CDKN2B-AS1: variants seen among roughly 807,000 people sequenced by gnomAD.
CDKN2B-AS1 encodes the protein CDKN2B antisense RNA 1 (non-protein coding).
intron 1 of CDKN2B-AS1, among the ~76,000 whole-genome samples, chr9:22,027,077 G>A (rs1413982663): frequency 7.9e-5 from 12 of 151,710 alleles, no homozygotes. Flanking sequence ...AGTTGAAGGT[G>A]CTATATTTAG....
intron 4 of CDKN2B-AS1, among the ~76,000 whole-genome samples, chr9:22,075,181 T>TC (rs1250455412): frequency 3.3e-5 from 5 of 152,206 alleles, no homozygotes; most frequent in Non-Finnish European, 5.9e-5. Context: ...TAGTTGAGGT[T>TC]TAGAAAGCAC....
At chr9:22,041,560 CAT>C (rs546961039) in intron 1 of CDKN2B-AS1, among the ~76,000 whole-genome samples, 19 of 152,202 alleles carry the variant, frequency 1.2e-4, no homozygotes, top group East Asian at 5.8e-4. Context: ...ACTGCATAAA[CAT>C]GTGATAATGT....
At chr9:22,071,309 T>C (rs1824282890) in intron 4 of CDKN2B-AS1, among the ~76,000 whole-genome samples, 1 of 74,634 alleles carries the variant, frequency 1.3e-5, no homozygotes, top group South Asian at 5.0e-4. Context: ...TTTTTTTTTT[T>C]TTTTTTTAGA....
At chr9:22,109,056 C>T (rs985975879) in intron 4 of CDKN2B-AS1, among the ~76,000 whole-genome samples, 1 of 152,234 alleles carries the variant, frequency 6.6e-6, no homozygotes, top group East Asian at 1.9e-4. Flanking sequence ...AAGAAAAATT[C>T]TCTTAGGGAC....
At chr9:22,016,714 A>G (rs1299963756) in intron 1 of CDKN2B-AS1, among the ~76,000 whole-genome samples, 2 of 152,344 alleles carry the variant, frequency 1.3e-5, no homozygotes, top group African/African-American at 2.4e-5. Flanking sequence ...TCCCTATTGA[A>G]TAAATGGTGC....
chr9:22,051,688 C>A (rs140144829), intron 3 of CDKN2B-AS1, among the ~76,000 whole-genome samples: 1 of 152,202 alleles, frequency 6.6e-6, no homozygotes, highest in Non-Finnish European at 1.5e-5. Context: ...GTAAACACTA[C>A]TTAAGAAGGC....
intron 4 of CDKN2B-AS1, among the ~76,000 whole-genome samples, chr9:22,088,183 A>G (rs1169910633): frequency 6.6e-6 from 1 of 152,220 alleles, no homozygotes; most frequent in African/African-American, 2.4e-5. Flanking sequence ...GTGAAGCTCC[A>G]GGAAACCCTG....
chr9:22,024,614 G>A (rs1822154855), intron 1 of CDKN2B-AS1, among the ~76,000 whole-genome samples: 1 of 152,178 alleles, frequency 6.6e-6, no homozygotes, highest in Non-Finnish European at 1.5e-5. Flanking sequence ...GCAGCTGCAG[G>A]GCTTGCTGGC....
chr9:22,051,055 C>T lies in CDKN2B-AS1; in HGVS notation n.302+1827C>T, dbSNP rs1460990469. On this transcript the variant is annotated intron_variant and non_coding_transcript_variant, in intron 3 of 4. Transcript: ENST00000650946. ...ATGTTCATATTGTCTACTTGGTTTT[C>T]ATGAACCTCACATGGACTGGCTTCA... 2.6e-5 allele frequency among the ~76,000 whole-genome samples: 4 copies of T among 152,176 alleles called. No homozygotes were observed. The East Asian group carries it at 7.7e-4, about 29-fold the overall frequency.
chr9:22,055,321 T>G lies in CDKN2B-AS1; in HGVS notation n.303-931T>G, dbSNP rs372509783. Among the ~76,000 whole-genome samples the G allele has an allele frequency of 5.3e-5, 8 of 152,246 alleles. No homozygotes were observed. In the East Asian group the frequency reaches 9.6e-4, roughly 18 times the overall value. ...TTAGCAATTTTTAATATTCTGCTGT[T>G]TGACTTTTAAACCAAGGCTTGGATT... On this transcript the variant is annotated intron_variant and non_coding_transcript_variant, in intron 3 of 4. Transcript: ENST00000650946.
intron 1 of CDKN2B-AS1, among the ~76,000 whole-genome samples, chr9:22,042,349 A>C (rs1398554006): frequency 2.0e-5 from 3 of 152,124 alleles, no homozygotes; most frequent in African/African-American, 7.2e-5. Flanking sequence ...AGGGTCTATG[A>C]ACAATTATAA....
At chr9:22,101,020 G>T (rs1825463145) in intron 4 of CDKN2B-AS1, among the ~76,000 whole-genome samples, 1 of 152,166 alleles carries the variant, frequency 6.6e-6, no homozygotes, top group Non-Finnish European at 1.5e-5. Flanking sequence ...TTCTTGACTT[G>T]TTAGGATTCT....
At chr9:22,018,030 A>G (rs1156491810) in intron 1 of CDKN2B-AS1, among the ~76,000 whole-genome samples, 2 of 152,212 alleles carry the variant, frequency 1.3e-5, no homozygotes, top group South Asian at 2.1e-4. Flanking sequence ...AGGTATTGAG[A>G]TAGATGAAAA....
chr9:22,051,889 T>A (rs1462091354), intron 3 of CDKN2B-AS1, among the ~76,000 whole-genome samples: 1 of 152,192 alleles, frequency 6.6e-6, no homozygotes, highest in Non-Finnish European at 1.5e-5. Context: ...TTAAAGGAGT[T>A]TGCATCAGCT....
chr9:22,101,246 C>T (rs1300855283), intron 4 of CDKN2B-AS1, among the ~76,000 whole-genome samples: 1 of 152,128 alleles, frequency 6.6e-6, no homozygotes. Context: ...GCAGACTCAA[C>T]CAAGAGTTAT....
At chr9:22,090,940 T>G (rs954638120) in intron 4 of CDKN2B-AS1, among the ~76,000 whole-genome samples, 1 of 152,170 alleles carries the variant, frequency 6.6e-6, no homozygotes, top group Non-Finnish European at 1.5e-5. Flanking sequence ...GGTTTTCTTC[T>G]AGGGTTTTTA....
At chr9:22,043,764 A>G (rs1387401182) in intron 1 of CDKN2B-AS1, among the ~76,000 whole-genome samples, 1 of 152,052 alleles carries the variant, frequency 6.6e-6, no homozygotes, top group African/African-American at 2.4e-5. Flanking sequence ...TAGCTGTTAC[A>G]TCACTAGGTT....
chr9:22,045,274 A>G (rs1272814463), intron 1 of CDKN2B-AS1, among the ~76,000 whole-genome samples: 1 of 152,032 alleles, frequency 6.6e-6, no homozygotes, highest in Admixed American at 6.6e-5. Flanking sequence ...TTTAAGACTA[A>G]TCAAAATATC....
intron 4 of CDKN2B-AS1, among the ~76,000 whole-genome samples, chr9:22,082,173 T>G (rs1369768313): frequency 6.6e-6 from 1 of 152,228 alleles, no homozygotes; most frequent in Admixed American, 6.5e-5. Flanking sequence ...GCAGAGTTGA[T>G]TTTTATAATT....
Sources: gnomAD v4.1 joint callset for allele counts (sites outside exome capture counted in the v4.1 genomes callset) on GRCh38, gnomAD v4.1.1 for gene constraint, MANE v1.5 for transcripts, NCBI Gene and HGNC (gene_info 2026-07-23, HGNC 2026-07-21) for gene names.